The following ANXA11 variants were observed in gnomAD, a reference collection of about 807,000 sequenced individuals.
ANXA11 encodes the protein 56 kDa autoantigen.
Under a neutral mutation model 64.7 loss-of-function variants are expected in ANXA11, and 57 were observed. The observed-to-expected ratio is 0.88, with a 90% CI of 0.71 to 1.10. The LOEUF (loss-of-function observed/expected upper bound fraction) is 1.10. Ranked by LOEUF, ANXA11 falls within the 50% of genes least tolerant of loss-of-function variation. ANXA11 has a pLI of 0.00. For synonymous variants in ANXA11, 260 were observed against 265.2 expected (o/e 0.98, Z 0.19); for missense variants, 675 against 670.7 (o/e 1.01, Z -0.07).
chr10:80,171,161 C>T (rs1845960374), intron 3 of ANXA11: 1 of 1,397,166 alleles, frequency 7.2e-7, no homozygotes, highest in Non-Finnish European at 9.3e-7. Context: ...CTCCCAAGAC[C>T]CTCTGTGGGG....
chr10:80,177,522 CCT>C lies in ANXA11; in HGVS notation c.-57-1369_-57-1368del, dbSNP rs1846214570. Among the ~76,000 whole-genome samples the C allele has an allele frequency of 3.3e-5, 5 of 152,210 alleles. No individual in the cohort carries two copies. The South Asian group carries it at 8.3e-4, about 25-fold the overall frequency. Reference sequence around the variant, plus strand: ...TCTGCTCAACATCAAACATCTTCCCCCTCTCTCTCAGCTTTGTTTTACATCCA... The same window carrying C: ...TCTGCTCAACATCAAACATCTTCCCCCTCTCTCAGCTTTGTTTTACATCCA... On this transcript the variant is annotated intron_variant, in intron 1 of 15. Coordinates refer to ENST00000422982, the MANE Select transcript of ANXA11 (RefSeq NM_145868.2).
At chr10:80,189,952 T>C (rs1056139502) in intron 1 of ANXA11, among the ~76,000 whole-genome samples, 4 of 152,220 alleles carry the variant, frequency 2.6e-5, no homozygotes. Context: ...AGAAGAAAAC[T>C]GACATATGCT....
intron 2 of ANXA11, among the ~76,000 whole-genome samples, chr10:80,173,864 T>C (rs143563022): frequency 6.6e-5 from 10 of 152,328 alleles, no homozygotes; most frequent in East Asian, 1.9e-4. Context: ...CCTGATGGGA[T>C]TGTTAAAACA....
intron 1 of ANXA11, among the ~76,000 whole-genome samples, chr10:80,191,937 G>A (rs1846794724): frequency 6.6e-6 from 1 of 152,174 alleles, no homozygotes; most frequent in African/African-American, 2.4e-5. Context: ...GAGGGTTGTG[G>A]CATGCCAAGG....
chr10:80,158,787 T>C (rs1305337208), intron 13 of ANXA11, among the ~76,000 whole-genome samples: 2 of 152,220 alleles, frequency 1.3e-5, no homozygotes, highest in Non-Finnish European at 2.9e-5. Context: ...AGAGGAAACG[T>C]GGCAGGATAT....
At chr10:80,171,334 C>T (rs561962252) in intron 3 of ANXA11, 17 of 855,566 alleles carry the variant, frequency 2.0e-5, no homozygotes, top group East Asian at 2.4e-4. Flanking sequence ...AAGGCACTGG[C>T]GGGAGGGGGT....
intron 10 of ANXA11, 33 bp downstream of exon 10, chr10:80,163,501 T>TC: frequency 6.3e-7 from 1 of 1,599,882 alleles, no homozygotes; most frequent in Non-Finnish European, 8.5e-7. Flanking sequence ...TTCCATGGCT[T>TC]GGGGGCCCCG....
chr10:80,171,267 C>A (rs1589430550), intron 3 of ANXA11: 1 of 1,126,984 alleles, frequency 8.9e-7, no homozygotes. Flanking sequence ...TTGTGGGACA[C>A]CATGCTGAGC....
rs116359472 is a variant in ANXA11 at position 80,189,311 on chromosome 10, G to A, written c.-57-13156C>T. 5.3e-3 allele frequency among the ~76,000 whole-genome samples: 801 copies of A among 152,296 alleles called. 8 individuals are homozygous for A. The highest frequency in any genetic ancestry group is 0.019 in the African/African-American group (775 of 41,558). ...CTCAAATGGCCTCTAAAGCTGGAAA[G>A]GGCAAGGAAGCATTCACCTCTAGGG... On this transcript the variant is annotated intron_variant, in intron 1 of 15. Transcript: ENST00000422982.
At chr10:80,181,665 A>G (rs1185602960) in intron 1 of ANXA11, among the ~76,000 whole-genome samples, 5 of 152,232 alleles carry the variant, frequency 3.3e-5, no homozygotes, top group Non-Finnish European at 2.9e-5. Flanking sequence ...CAAAGAGGAT[A>G]TAAGGTGGCA....
chr10:80,169,418 C>T (rs375201035), intron 4 of ANXA11, 60 bp from the exon 5 acceptor site: 14 of 1,581,944 alleles, frequency 8.8e-6, no homozygotes, highest in East Asian at 4.5e-5. Context: ...CGTCCCTCCA[C>T]CCTTTTTCAT....
chr10:80,180,089 G>A (rs192729969), intron 1 of ANXA11, among the ~76,000 whole-genome samples: 2 of 152,324 alleles, frequency 1.3e-5, no homozygotes, highest in East Asian at 1.9e-4. Flanking sequence ...TTACGTGTAC[G>A]TAAGTGTACC....
intron 2 of ANXA11, among the ~76,000 whole-genome samples, chr10:80,174,658 G>A (rs1433283232): frequency 2.6e-5 from 4 of 152,092 alleles, no homozygotes; most frequent in South Asian, 4.1e-4. Context: ...TGTAACCTCC[G>A]CCTCCTGGGA....
intron 8 of ANXA11, 52 bp downstream of exon 8, chr10:80,166,030 GCA>G (rs1210552731): frequency 2.1e-5 from 22 of 1,058,106 alleles, no homozygotes; most frequent in African/African-American, 1.1e-4. Flanking sequence ...GCGCGCGTGC[GCA>G]CACACGCGCG....
Position 80,175,587 on chromosome 10 carries a change from A to T in ANXA11, c.-9+520T>A, listed in dbSNP as rs779896885. Among the ~76,000 whole-genome samples, 3 of 114,666 alleles carry T rather than the reference A, an allele frequency of 2.6e-5. No individual in the cohort carries two copies. The East Asian group carries it at 6.0e-4, about 23-fold the overall frequency. The allele number at this position is 114,666 out of a possible 152,430, so 75.2% of individuals were successfully genotyped here. ...AAAATTTCAGCATAAGAGACAAATT[A>T]AAAAAAAATAAAGATGAGAAAAAAA... On this transcript the variant is annotated intron_variant, in intron 2 of 15. Transcript: ENST00000422982.
At chr10:80,191,247 T>G (rs1229545032) in intron 1 of ANXA11, among the ~76,000 whole-genome samples, 3 of 151,088 alleles carry the variant, frequency 2.0e-5, no homozygotes, top group African/African-American at 7.3e-5. Flanking sequence ...AAATTAAAAT[T>G]CAAAAATTAG....
At chr10:80,198,458 G>A (rs561968692) in intron 1 of ANXA11, among the ~76,000 whole-genome samples, 7 of 152,334 alleles carry the variant, frequency 4.6e-5, no homozygotes, top group East Asian at 3.9e-4. Flanking sequence ...GCACCTAGAC[G>A]GTGCTACCCA....
chr10:80,187,857 G>A (rs1846607402), intron 1 of ANXA11, among the ~76,000 whole-genome samples: 1 of 152,086 alleles, frequency 6.6e-6, no homozygotes, highest in Non-Finnish European at 1.5e-5. Context: ...GGTCACTCCA[G>A]TTACTGCAAA....
intron 1 of ANXA11, among the ~76,000 whole-genome samples, chr10:80,188,480 C>CATATATATATATATATAT (rs71034291): frequency 2.6e-4 from 26 of 100,582 alleles, no homozygotes; most frequent in Non-Finnish European, 3.6e-4. Context: ...AGTATTCTCA[C>CATATATATATATATATAT]ATATATATAT....
Sources: gnomAD v4.1 joint callset for allele counts (sites outside exome capture counted in the v4.1 genomes callset) on GRCh38, gnomAD v4.1.1 for gene constraint, MANE v1.5 for transcripts, NCBI Gene and HGNC (gene_info 2026-07-23, HGNC 2026-07-21) for gene names.